PSRC1: variants seen among roughly 807,000 people sequenced by gnomAD.
The protein encoded by PSRC1 is proline/serine-rich coiled-coil protein 1.
In PSRC1, 30 loss-of-function variants were observed where a neutral mutation model predicts 31.9. The ratio of observed to expected loss-of-function variants is 0.94; its 90% confidence interval spans 0.70 to 1.28. PSRC1 has a LOEUF of 1.28. PSRC1 is among the 50% of genes most tolerant of loss of function. The probability of loss-of-function intolerance (pLI) is 0.00; values close to 1 mark genes in which losing one functional copy is unlikely to be tolerated. For synonymous variants in PSRC1, 191 were observed against 192.1 expected, an observed-to-expected ratio of 0.99 and a Z score of 0.05; for missense variants, 481 against 472.8, an observed-to-expected ratio of 1.02 and a Z score of -0.16.
exon 2 of PSRC1, chr1:109,282,718 G>C: frequency 1.3e-6 from 2 of 1,551,078 alleles, no homozygotes; most frequent in South Asian, 1.2e-5. Context: ...GCAGGAGCGA[G>C]AGTCCAGTTA....
At position 109,282,585 on chromosome 1, in the gene PSRC1, AAAG is replaced by A. The variant is rs1458750230; in HGVS notation, c.20-13_20-11del. The A allele has an allele frequency of 1.9e-6, 3 of 1,613,636 alleles. No individual in the cohort carries two copies. Among genetic ancestry groups the A allele is most frequent in the East Asian group, 2.2e-5 (1 of 44,872 alleles). ...ACAATAAACCTTACATCTGAAGGGG[AAAG>A]AAGAATGAAAGCCAGTCATGGGTCC... On this transcript the variant is annotated splice_polypyrimidine_tract_variant and intron_variant, in intron 2 of 6. Transcript: ENST00000409138.
Position 109,282,750 on chromosome 1 carries a change from A to G in PSRC1, c.-33-19T>C. 6.5e-7 allele frequency: 1 copy of G among 1,549,292 alleles called. No homozygotes were observed. Among genetic ancestry groups the G allele is most frequent in the South Asian group, 1.2e-5 (1 of 83,964 alleles). ...GTTAGATCTGAGCTGGAGAGAAACC[A>G]TACCTTTCCTCAGGTATCCATTCTG... On this transcript the variant is annotated intron_variant, in intron 1 of 6. Transcript: ENST00000409138.
chr1:109,281,827 C>A (rs1657182038), exon 4 of PSRC1: 4 of 1,613,976 alleles, frequency 2.5e-6, no homozygotes, highest in Non-Finnish European at 3.4e-6. Flanking sequence ...TCGGCGAGGC[C>A]CCAGGCCCTC....
At chr1:109,281,487 T>C (rs879665142) in intron 4 of PSRC1, 132 bp downstream of exon 4, 66 of 915,094 alleles carry the variant, frequency 7.2e-5, no homozygotes, top group Non-Finnish European at 1.0e-4. Flanking sequence ...TCTTTTTTCA[T>C]GGTTCTCATT....
At chr1:109,280,872 C>T (rs773468310) in exon 5 of PSRC1, 92 of 1,613,808 alleles carry the variant, frequency 5.7e-5, no homozygotes, top group Non-Finnish European at 7.6e-5. Context: ...GGCACCTCTG[C>T]CAGGTGGCAC....
At chr1:109,280,804 G>A in exon 5 of PSRC1, 1 of 1,597,244 alleles carries the variant, frequency 6.3e-7, no homozygotes, top group Non-Finnish European at 8.6e-7. Context: ...CGCACTCTGT[G>A]TCCTGCAGTG....
At chr1:109,280,350 A>G in intron 6 of PSRC1, 46 bp downstream of exon 7, 1 of 1,515,816 alleles carries the variant, frequency 6.6e-7, no homozygotes, top group Non-Finnish European at 9.1e-7. Context: ...ATCCCAGATG[A>G]TGGCGGGGTA....
chr1:109,281,235 T>C, exon 5 of PSRC1: 3 of 1,599,508 alleles, frequency 1.9e-6, no homozygotes, highest in South Asian at 1.1e-5. Flanking sequence ...AGGGAACAGA[T>C]TGCAAGTGGG....
At chr1:109,280,662 T>G in intron 5 of PSRC1, 115 bp downstream of exon 6, 3 of 1,001,620 alleles carry the variant, frequency 3.0e-6, no homozygotes, top group Non-Finnish European at 4.4e-6. Flanking sequence ...TAACTCAGTC[T>G]CCCCATCTTC....
chr1:109,282,753 C>T lies in PSRC1; in HGVS notation c.-33-22G>A. ...AGATCTGAGCTGGAGAGAAACCATACCTTTCCTCAGGTATCCATTCTGCCC... is the reference window on the plus strand; with the variant it reads ...AGATCTGAGCTGGAGAGAAACCATATCTTTCCTCAGGTATCCATTCTGCCC... On this transcript the variant is annotated intron_variant, in intron 1 of 6. Coordinates refer to ENST00000409138, the Ensembl canonical transcript of PSRC1. The T allele has an allele frequency of 6.5e-7, 1 of 1,549,338 alleles. No individual in the cohort carries two copies. Among genetic ancestry groups the T allele is most frequent in the Middle Eastern group, 2.3e-4 (1 of 4,426 alleles).
At chr1:109,281,375 C>G (rs530496502) in intron 4 of PSRC1, 124 bp from the exon 5 acceptor site, 2 of 860,862 alleles carry the variant, frequency 2.3e-6, no homozygotes, top group African/African-American at 3.4e-5. Flanking sequence ...TAGAAGTTAG[C>G]TGCTAACATC....
At chr1:109,281,332 G>T in intron 4 of PSRC1, 81 bp from the exon 5 acceptor site, 2 of 1,243,980 alleles carry the variant, frequency 1.6e-6, no homozygotes, top group Middle Eastern at 4.0e-4. Context: ...AGAAATAGAG[G>T]TGGAGAGTTG....
chr1:109,281,879 G>C (rs1657198500), exon 4 of PSRC1: 1 of 1,612,428 alleles, frequency 6.2e-7, no homozygotes, highest in African/African-American at 1.3e-5. Flanking sequence ...TGCTCCAGCT[G>C]AGCGGCCAGC....
At position 109,280,645 on chromosome 1, in the gene PSRC1, C is replaced by T. The variant is rs1354838605; in HGVS notation, c.994+132G>A. 2.4e-5 allele frequency: 23 copies of T among 958,696 alleles called. No individual in the cohort carries two copies. In the Admixed American group the frequency reaches 6.1e-4, roughly 25 times the overall value. 59.4% of individuals were successfully genotyped at this position (958,696 alleles called of 1,614,324 possible). ...CTCAGACTCTGTCCAGCCCCATATC[C>T]TCTCTGTAACTCAGTCTCCCCATCT... On this transcript the variant is annotated intron_variant, in intron 5 of 6. Transcript: ENST00000409138.
exon 7 of PSRC1, chr1:109,280,076 G>A (rs1260055692): frequency 6.2e-7 from 1 of 1,603,356 alleles, no homozygotes; most frequent in Admixed American, 1.7e-5. Flanking sequence ...TGGAGTCAGG[G>A]TCTGCTGGGT....
rs1657404283 is a variant in PSRC1, at chr1:109,282,815, C to T, written c.-33-84G>A. ...CTAGATTCAGGGTGCAAGCCAGGGT[C>T]GGGGGTCATGCTGGAGGCAAAGCAA... On this transcript the variant is annotated intron_variant, in intron 1 of 6. Transcript: ENST00000409138. 32 of 1,422,708 alleles carry T rather than the reference C, an allele frequency of 2.2e-5. No individual in the cohort carries two copies. In the South Asian group the frequency reaches 3.9e-4, roughly 17 times the overall value. The allele number at this position is 1,422,708 out of a possible 1,614,324, so 88.1% of individuals were successfully genotyped here.
exon 4 of PSRC1, chr1:109,281,999 A>T: frequency 6.6e-7 from 1 of 1,514,040 alleles, no homozygotes; most frequent in Non-Finnish European, 8.8e-7. Flanking sequence ...CTTCGGTGGG[A>T]GAGGCCCCGT....
In PSRC1 at chr1:109,281,618, C is replaced by A; in HGVS notation, c.519+1G>T. On this transcript the variant is annotated splice_donor_variant, in intron 4 of 6. Coordinates refer to ENST00000409138, the Ensembl canonical transcript of PSRC1. LOFTEE classifies it high-confidence loss of function. ...CCTCCAACTCAACTCTCTCAACTCA[C>A]CCTCTTCATGTTGGAGGGCCTCTTT... 1 of 1,608,298 alleles carries A rather than the reference C, an allele frequency of 6.2e-7. No individual in the cohort carries two copies. The highest frequency in any genetic ancestry group is 8.5e-7 in the Non-Finnish European group (1 of 1,175,812).
At chr1:109,281,102 A>C in exon 5 of PSRC1, 1 of 1,613,126 alleles carries the variant, frequency 6.2e-7, no homozygotes, top group African/African-American at 1.3e-5. Context: ...CCCCACTCCC[A>C]CTCACCCGCA....
Sources: allele counts gnomAD v4.1 joint callset, GRCh38; gene constraint gnomAD v4.1.1; transcripts MANE v1.5; gene names NCBI Gene and HGNC (gene_info 2026-07-23, HGNC 2026-07-21).